CECR2: variants seen among roughly 807,000 people sequenced by gnomAD.
The protein encoded by CECR2 is chromatin remodeling regulator CECR2.
In CECR2, 30 loss-of-function variants were observed where a neutral mutation model predicts 154.5. The ratio of observed to expected loss-of-function variants is 0.19; its 90% CI spans 0.15 to 0.26. CECR2 has a LOEUF of 0.26. Ranked by LOEUF, CECR2 falls within the 10% of genes least tolerant of loss-of-function variation. The pLI, the probability that CECR2 is intolerant of heterozygous loss-of-function variation, is 1.00. For synonymous variants in CECR2, 725 were observed against 683.7 expected (o/e 1.06, Z -0.94); for missense variants, 1,743 against 1,829.3 (o/e 0.95, Z 0.86).
chr22:17,547,731 C>A (rs1290374120), intron 16 of CECR2, among the ~76,000 whole-genome samples: 1 of 152,158 alleles, frequency 6.6e-6, no homozygotes, highest in African/African-American at 2.4e-5. Context: ...GCCCGTCATG[C>A]CCTGTTCTTT....
At position 17,553,075 on chromosome 22, in the gene CECR2, T is replaced by A; in HGVS notation, c.*235T>A. The A allele has an allele frequency of 4.3e-6, 4 of 929,734 alleles. No individual in the cohort carries two copies. The highest frequency in any genetic ancestry group is 5.7e-6 in the Non-Finnish European group (4 of 700,940). 57.6% of individuals were successfully genotyped at this position (929,734 alleles called of 1,614,324 possible). On this transcript the variant is annotated 3_prime_UTR_variant, in exon 19 of 19. Coordinates refer to ENST00000262608, the MANE Select transcript of CECR2 (RefSeq NM_001290047.2). ...CCAGGGATCTCTTGCACAGCTGATGTAGACAGTCAGGCAAAACTAATGAAC... is the reference window on the plus strand; with the variant it reads ...CCAGGGATCTCTTGCACAGCTGATGAAGACAGTCAGGCAAAACTAATGAAC...
intron 1 of CECR2, among the ~76,000 whole-genome samples, chr22:17,441,002 G>T (rs987228308): frequency 8.1e-4 from 123 of 152,252 alleles, no homozygotes; most frequent in African/African-American, 2.8e-3. Flanking sequence ...CTGTCACCCA[G>T]ACTGGAGTGC....
At chr22:17,534,574 C>T (rs2056408400) in intron 9 of CECR2, among the ~76,000 whole-genome samples, 1 of 151,612 alleles carries the variant, frequency 6.6e-6, no homozygotes, top group Non-Finnish European at 1.5e-5. Flanking sequence ...GTGGCACAAT[C>T]TCAGCTCACT....
intron 3 of CECR2, 92 bp downstream of exon 3, chr22:17,497,678 G>C (rs1271294280): frequency 1.5e-6 from 2 of 1,305,012 alleles, no homozygotes; most frequent in African/African-American, 2.9e-5. Context: ...TACTAAGCCA[G>C]AGTTTGGCTT....
intron 8 of CECR2, among the ~76,000 whole-genome samples, chr22:17,513,975 A>G (rs1401801675): frequency 6.6e-6 from 1 of 152,198 alleles, no homozygotes; most frequent in Non-Finnish European, 1.5e-5. Flanking sequence ...TTCAGTTCGA[A>G]CAAAAAGAAA....
At chr22:17,445,586 T>TG (rs2054648708) in intron 1 of CECR2, among the ~76,000 whole-genome samples, 1 of 124,784 alleles carries the variant, frequency 8.0e-6, no homozygotes, top group African/African-American at 3.4e-5. Context: ...ATTATTATTA[T>TG]TATTATTTGA....
rs10558473 is a variant in CECR2 at position 17,495,861 on chromosome 22, CAAAAAAAAAAA to C, written c.222-1528_222-1518del. On this transcript the variant is annotated intron_variant, in intron 2 of 18. Coordinates refer to ENST00000262608, the MANE Select transcript of CECR2 (RefSeq NM_001290047.2). ...TGGGTGACAGAGCAAGACTCTGTCT[CAAAAAAAAAAA>C]AAAAAAAAAAAAAGGTATTTACACC... Among the ~76,000 whole-genome samples the C allele has an allele frequency of 2.5e-3, 168 of 67,242 alleles. 4 individuals carry two copies. Among genetic ancestry groups the C allele is most frequent in the East Asian group, 0.012 (23 of 1,978 alleles). 44.1% of individuals were successfully genotyped at this position (67,242 alleles called of 152,430 possible).
At chr22:17,445,087 A>C (rs748459493) in intron 1 of CECR2, among the ~76,000 whole-genome samples, 1 of 152,198 alleles carries the variant, frequency 6.6e-6, no homozygotes, top group Non-Finnish European at 1.5e-5. Context: ...ACTATAGTAC[A>C]TATTCACAAT....
intron 1 of CECR2, among the ~76,000 whole-genome samples, chr22:17,426,430 C>A (rs985142844): frequency 1.3e-5 from 2 of 152,062 alleles, no homozygotes; most frequent in African/African-American, 4.8e-5. Flanking sequence ...GATTTCAGCT[C>A]ACTGCAACCT....
intron 1 of CECR2, chr22:17,418,714 T>G: frequency 1.9e-6 from 1 of 520,588 alleles, no homozygotes; most frequent in South Asian, 5.7e-5. Flanking sequence ...AGGCGATGGA[T>G]TTGGGCAAAG....
intron 1 of CECR2, among the ~76,000 whole-genome samples, chr22:17,467,397 TCA>T (rs1200866526): frequency 6.6e-6 from 1 of 152,068 alleles, no homozygotes; most frequent in East Asian, 1.9e-4. Context: ...TGGGTGAGCA[TCA>T]CAGTGATAAC....
intron 1 of CECR2, among the ~76,000 whole-genome samples, chr22:17,471,850 A>G (rs2055133124): frequency 6.6e-6 from 1 of 152,084 alleles, no homozygotes; most frequent in Non-Finnish European, 1.5e-5. Context: ...GACATTTTTT[A>G]TGGGAGAAGA....
At chr22:17,396,721 C>T (rs1409985505) in intron 1 of CECR2, among the ~76,000 whole-genome samples, 72 of 152,108 alleles carry the variant, frequency 4.7e-4, no homozygotes, top group Admixed American at 4.6e-3. Context: ...GGTATATAAC[C>T]TGTGTGCAAT....
At chr22:17,540,862 A>G in intron 14 of CECR2, 62 bp downstream of exon 14, 2 of 1,466,516 alleles carry the variant, frequency 1.4e-6, no homozygotes, top group Non-Finnish European at 1.8e-6. Flanking sequence ...AGTAATGTAG[A>G]GGCCATTCAG....
chr22:17,428,196 T>C (rs1410806963), intron 1 of CECR2: 1 of 152,320 alleles, frequency 6.6e-6, no homozygotes, highest in African/African-American at 2.4e-5. Flanking sequence ...TAAATTTAAG[T>C]TGTTTGTAGA....
intron 6 of CECR2, 66 bp downstream of exon 6, chr22:17,503,197 A>G: frequency 6.9e-7 from 1 of 1,443,844 alleles, no homozygotes; most frequent in Non-Finnish European, 9.5e-7. Flanking sequence ...TAGGGTGTTG[A>G]CTCTTTTTCT....
At position 17,399,691 on chromosome 22, in the gene CECR2, A is replaced by G. The variant is rs968347143; in HGVS notation, c.126+29782A>G. 3.9e-5 allele frequency among the ~76,000 whole-genome samples: 6 copies of G among 152,146 alleles called. No homozygotes were observed. The East Asian group carries it at 5.8e-4, about 15-fold the overall frequency. ...CCAAAGTGCTGGGATTACAGGCGTG[A>G]GCCACCGCACCCAACCTGTAATGGT... On this transcript the variant is annotated intron_variant, in intron 1 of 18. Transcript: ENST00000262608.
At chr22:17,479,566 C>T (rs1435958809) in intron 2 of CECR2, among the ~76,000 whole-genome samples, 2 of 146,668 alleles carry the variant, frequency 1.4e-5, no homozygotes, top group Admixed American at 6.8e-5. Context: ...GATATTCCTC[C>T]GTGGCTGAGT....
At chr22:17,382,160 G>T (rs1180795807) in intron 1 of CECR2, among the ~76,000 whole-genome samples, 2 of 151,992 alleles carry the variant, frequency 1.3e-5, no homozygotes, top group African/African-American at 2.4e-5. Context: ...AAAGTGCTGG[G>T]ATTACAGGCG....
Sources: gnomAD v4.1 joint callset for allele counts (sites outside exome capture counted in the v4.1 genomes callset) on GRCh38, gnomAD v4.1.1 for gene constraint, MANE v1.5 for transcripts, NCBI Gene and HGNC (gene_info 2026-07-23, HGNC 2026-07-21) for gene names.